Variants in CHD9 observed in about 807,000 individuals in gnomAD.
The protein encoded by CHD9 is ATP-dependent chromatin remodeler CHD9.
A neutral mutation model predicts 316.1 loss-of-function variants in CHD9; 77 were observed. The ratio of observed to expected loss-of-function variants is 0.24; its 90% CI spans 0.20 to 0.29. The LOEUF (loss-of-function observed/expected upper bound fraction) is 0.29, where lower values mean the gene tolerates loss of function less well. Among genes scored for constraint, CHD9 ranks in the 10% least tolerant of loss-of-function variants. The probability of loss-of-function intolerance (pLI) is 1.00; values close to 1 mark genes in which losing one functional copy is unlikely to be tolerated. For missense variants in CHD9, 2,763 were observed against 3,438.1 expected (o/e 0.80, Z 4.91); for synonymous variants, 1,129 against 1,158.3 (o/e 0.97, Z 0.51).
rs201931571 is a variant in CHD9 at position 53,107,489 on chromosome 16, T to A, written c.-164-48437T>A. ...TAAAATAAAATAAAATAAAATAAAA[T>A]AAATAAAATAAAATAAAATAAAATA... On this transcript the variant is annotated intron_variant, in intron 1 of 38. Transcript: ENST00000447540. Among the ~76,000 whole-genome samples the A allele has an allele frequency of 2.6e-3, 318 of 123,114 alleles. 2 individuals carry two copies. Among genetic ancestry groups the A allele is most frequent in the Non-Finnish European group, 4.1e-3 (254 of 61,564 alleles). The allele number at this position is 123,114 out of a possible 152,430, so 80.8% of individuals were successfully genotyped here.
chr16:53,314,702 A>C (rs2056748331), intron 35 of CHD9, 121 bp from the exon 36 acceptor site: 3 of 1,056,496 alleles, frequency 2.8e-6, no homozygotes, highest in Non-Finnish European at 4.0e-6. Context: ...TTAAGTTTAA[A>C]AGATTTAGCA....
Position 53,245,565 on chromosome 16 carries a change from TTA to T in CHD9, c.3199-26_3199-25del, listed in dbSNP as rs761428150. 30 of 1,540,038 alleles carry T rather than the reference TTA, an allele frequency of 1.9e-5. No individual in the cohort carries two copies. Among genetic ancestry groups the T allele is most frequent in the Non-Finnish European group, 2.4e-5 (28 of 1,148,290 alleles). On this transcript the variant is annotated intron_variant, in intron 14 of 38. Coordinates refer to ENST00000447540, the MANE Select transcript of CHD9 (RefSeq NM_001308319.2). This position sits in a 1 kb window ranked among gnomAD's most constrained non-coding sequence, Gnocchi z 4.1. ...ATGTGTAATTAAATGCTCACTTATGTTATATGTCTTTTTATCATTTTTTATTC... is the reference window on the plus strand; with the variant it reads ...ATGTGTAATTAAATGCTCACTTATGTTATGTCTTTTTATCATTTTTTATTC...
intron 29 of CHD9, among the ~76,000 whole-genome samples, chr16:53,293,508 C>T (rs2153056899): frequency 6.6e-6 from 1 of 151,724 alleles, no homozygotes; most frequent in Non-Finnish European, 1.5e-5. Context: ...CCCAGCCACT[C>T]GGGAGACTAA....
At chr16:53,086,891 G>A (rs1437668756) in intron 1 of CHD9, among the ~76,000 whole-genome samples, 3 of 152,100 alleles carry the variant, frequency 2.0e-5, no homozygotes, top group Admixed American at 1.3e-4. Flanking sequence ...ACTATCAAAT[G>A]TATACAGCTG....
intron 22 of CHD9, among the ~76,000 whole-genome samples, chr16:53,272,536 C>G (rs2052372935): frequency 6.6e-6 from 1 of 151,998 alleles, no homozygotes; most frequent in Non-Finnish European, 1.5e-5. Context: ...ACAAGCAAAA[C>G]AGCTCAAATT....
At chr16:53,221,170 G>C (rs1051548140) in intron 3 of CHD9, among the ~76,000 whole-genome samples, 1 of 152,196 alleles carries the variant, frequency 6.6e-6, no homozygotes, top group Non-Finnish European at 1.5e-5. Flanking sequence ...TATGCATCAA[G>C]ACTGTGCTAA....
chr16:53,229,168 A>G (rs982028804), intron 8 of CHD9, 68 bp downstream of exon 8: 5 of 708,300 alleles, frequency 7.1e-6, no homozygotes, highest in Non-Finnish European at 1.1e-5. Flanking sequence ...TTTATCAAAA[A>G]TTACACATTA....
At chr16:53,085,465 G>A (rs2035390812) in intron 1 of CHD9, among the ~76,000 whole-genome samples, 1 of 151,974 alleles carries the variant, frequency 6.6e-6, no homozygotes, top group African/African-American at 2.4e-5. Context: ...CTGGGCTCCT[G>A]GTACATCACA....
chr16:53,059,716 T>C (rs1316478853), intron 1 of CHD9, among the ~76,000 whole-genome samples: 2 of 152,166 alleles, frequency 1.3e-5, no homozygotes, highest in African/African-American at 4.8e-5. Flanking sequence ...TCAGCAAACT[T>C]TTTCTGTAAA....
intron 24 of CHD9, among the ~76,000 whole-genome samples, chr16:53,282,071 T>A (rs1018712647): frequency 6.6e-6 from 1 of 152,180 alleles, no homozygotes; most frequent in African/African-American, 2.4e-5. Context: ...CTAGCCTGAC[T>A]GGATCTGATC....
intron 29 of CHD9, among the ~76,000 whole-genome samples, chr16:53,293,430 C>G (rs2054520823): frequency 6.6e-6 from 1 of 151,634 alleles, no homozygotes; most frequent in South Asian, 2.1e-4. Context: ...GCCCTGGCAA[C>G]AAAGCAAGAC....
In CHD9 at chr16:53,321,688, T is replaced by C. The variant is rs958794684; in HGVS notation, c.7818+58T>C. The stretch of plus-strand genomic sequence containing the variant: ...ATTTTCAAATTAGGTGCCATTCAAT[T>C]ATATCTTAGATTAATTATAATTAAT... On this transcript the variant is annotated intron_variant, in intron 38 of 38. Coordinates refer to ENST00000447540, the MANE Select transcript of CHD9 (RefSeq NM_001308319.2). 4.6e-6 allele frequency: 4 copies of C among 873,446 alleles called. No individual in the cohort carries two copies. The Admixed American group carries it at 1.1e-4, about 24-fold the overall frequency. The allele number at this position is 873,446 out of a possible 1,614,324, so 54.1% of individuals were successfully genotyped here. A position where few individuals can be genotyped will look rare whatever the true frequency, so the allele number is the denominator to read the frequency against.
chr16:53,247,975 A>G (rs1176328809), intron 16 of CHD9: 1 of 153,096 alleles, frequency 6.5e-6, no homozygotes, highest in African/African-American at 2.4e-5. Flanking sequence ...ATTTGTTTCA[A>G]TGTGGGTTTT....
intron 20 of CHD9, among the ~76,000 whole-genome samples, chr16:53,264,655 C>G (rs62049783): frequency 6.6e-6 from 1 of 151,824 alleles, no homozygotes; most frequent in East Asian, 1.9e-4. Context: ...AGTAAGATGG[C>G]AGAGAATGCT....
chr16:53,154,251 A>T (rs190374133), intron 1 of CHD9, among the ~76,000 whole-genome samples: 1 of 152,344 alleles, frequency 6.6e-6, no homozygotes, highest in East Asian at 1.9e-4. Context: ...TGTTTTACTA[A>T]TATTTCCTGA....
chr16:53,279,411 A>C (rs2053193641), intron 24 of CHD9, among the ~76,000 whole-genome samples: 1 of 152,128 alleles, frequency 6.6e-6, no homozygotes. Context: ...ACCTAATGTA[A>C]ATGACGAGTT....
chr16:53,134,502 C>T (rs1444363271), intron 1 of CHD9, among the ~76,000 whole-genome samples: 1 of 152,148 alleles, frequency 6.6e-6, no homozygotes, highest in East Asian at 1.9e-4. Context: ...TTTTACCAGT[C>T]TGTGAATACT....
Position 53,324,611 on chromosome 16 carries a change from C to A in CHD9, c.8410C>A (p.Pro2804Thr). 2 of 1,613,716 alleles carry A rather than the reference C, an allele frequency of 1.2e-6. No homozygotes were observed. The highest frequency in any genetic ancestry group is 1.7e-6 in the Non-Finnish European group (2 of 1,179,816). ...NPLLLSNILY[P>T]GMLLTPGLNL... ...ACTATTACTATCTAATATACTTTAT[C>A]CAGGGATGCTTCTCACTCCAGGCCT... The change falls in exon 39 of 39, where the codon CCA (proline) becomes ACA (threonine). Residue 2804 changes from proline (P) to threonine (T), a missense_variant. Pro to Thr is a conservative substitution (Grantham distance 38, BLOSUM62 -1). Around this residue, in one of 15 missense-constraint regions of CHD9, gnomAD observed 298 missense variants for 380.2 expected, o/e 0.78. Transcript: ENST00000447540.
At chr16:53,194,564 C>A (rs568263857) in intron 2 of CHD9, among the ~76,000 whole-genome samples, 1 of 152,182 alleles carries the variant, frequency 6.6e-6, no homozygotes, top group South Asian at 2.1e-4. Context: ...CAGAGTGAGA[C>A]CCTGTCTCAA....
Sources: gnomAD v4.1 joint callset for allele counts (sites outside exome capture counted in the v4.1 genomes callset) on GRCh38, gnomAD v4.1.1 for gene constraint, gnomAD v4.1.1 regional missense constraint, Gnocchi (gnomAD v3.1) non-coding constraint, MANE v1.5 for transcripts, NCBI Gene and HGNC (gene_info 2026-07-23, HGNC 2026-07-21) for gene names.